SH2D1A: variants seen among roughly 807,000 people sequenced by gnomAD.
SH2D1A encodes the protein SH2 domain containing 1A.
SH2D1A carries 6 observed loss-of-function variants against 10.1 expected under a neutral mutation model. The observed-to-expected ratio is 0.60, with a 90% CI of 0.33 to 1.18. The LOEUF (loss-of-function observed/expected upper bound fraction) is 1.18. SH2D1A is among the 50% of genes most tolerant of loss of function. The pLI is 0.04. For missense variants in SH2D1A, 51 were observed against 97.6 expected, an observed-to-expected ratio of 0.52 and a Z score of 2.01; for synonymous variants, 42 against 36.9, an observed-to-expected ratio of 1.14 and a Z score of -0.51.
At chrX:124,370,094 T>C (rs1361379680) in intron 2 of SH2D1A, 82 bp from the exon 3 acceptor site, 1 of 700,685 alleles carries the variant, frequency 1.4e-6, no homozygotes, top group African/African-American at 2.1e-5. Flanking sequence ...GTTACTTCTC[T>C]TAGCATCCCT....
rs1360809344 is a variant in SH2D1A at position 124,371,880 on chromosome X, T to C, written c.*489T>C. The C allele has an allele frequency of 6.3e-6, 1 of 158,018 alleles. No homozygotes were observed. Among genetic ancestry groups the C allele is most frequent in the Non-Finnish European group, 1.2e-5 (1 of 81,581 alleles). The allele number at this position is 158,018 out of a possible 1,213,427, so 13.0% of individuals were successfully genotyped here. A position where few individuals can be genotyped will look rare whatever the true frequency, so the allele number is the denominator to read the frequency against. ...TTTTGGGATTTTTGAAGCTGTATAC[T>C]GTGTGCTAAAACAAGCACTAAACAA... On this transcript the variant is annotated 3_prime_UTR_variant, in exon 4 of 4. Transcript: ENST00000371139.
chrX:124,350,462 CT>C (rs2060008610), intron 1 of SH2D1A, among the ~76,000 whole-genome samples: 1 of 31,027 alleles, frequency 3.2e-5, no homozygotes, highest in African/African-American at 1.3e-4. Flanking sequence ...ATATTATATA[CT>C]ATATATAATA....
In SH2D1A at chrX:124,372,583, A is replaced by G. The variant is rs1355524556; in HGVS notation, c.*1192A>G. ...AATGAAAGTTGATAAGTACATGATA[A>G]GCGAGGTTCCCCGTGTGTAGGTAGA... On this transcript the variant is annotated 3_prime_UTR_variant, in exon 4 of 4. Coordinates refer to ENST00000371139, the MANE Select transcript of SH2D1A (RefSeq NM_002351.5). 4.7e-5 allele frequency: 8 copies of G among 170,038 alleles called. No individual in the cohort carries two copies. Among genetic ancestry groups the G allele is most frequent in the Admixed American group, 4.0e-4 (5 of 12,553 alleles). The allele number at this position is 170,038 out of a possible 1,213,427, so 14.0% of individuals were successfully genotyped here. A position where few individuals can be genotyped will look rare whatever the true frequency, so the allele number is the denominator to read the frequency against.
At chrX:124,359,254 A>G (rs1460722980) in intron 1 of SH2D1A, among the ~76,000 whole-genome samples, 1 of 111,985 alleles carries the variant, frequency 8.9e-6, no homozygotes, top group Non-Finnish European at 1.9e-5. Context: ...TTAGGAAACA[A>G]TTCTCAAAAC....
chrX:124,348,010 T>C (rs1286026345), intron 1 of SH2D1A, among the ~76,000 whole-genome samples: 1 of 111,637 alleles, frequency 9.0e-6, no homozygotes, highest in Non-Finnish European at 1.9e-5. Flanking sequence ...AAATACCTTA[T>C]GGGTCAGTGA....
chrX:124,349,001 A>G (rs2060000755), intron 1 of SH2D1A, among the ~76,000 whole-genome samples: 2 of 112,578 alleles, frequency 1.8e-5, no homozygotes, highest in African/African-American at 6.5e-5. Flanking sequence ...AGAGAAGGGC[A>G]GCTTTAGACT....
At chrX:124,364,126 G>T (rs2147530066) in intron 1 of SH2D1A, among the ~76,000 whole-genome samples, 1 of 109,969 alleles carries the variant, frequency 9.1e-6, no homozygotes, top group South Asian at 4.0e-4. Context: ...TATTCCAGAA[G>T]GCATTCTGGA....
At chrX:124,363,649 T>C (rs2060045630) in intron 1 of SH2D1A, among the ~76,000 whole-genome samples, 1 of 110,229 alleles carries the variant, frequency 9.1e-6, no homozygotes, top group Admixed American at 9.7e-5. Context: ...ATCCCAGCAC[T>C]GTGGGAGGCT....
chrX:124,351,662 T>G (rs2060015422), intron 1 of SH2D1A, among the ~76,000 whole-genome samples: 2 of 110,904 alleles, frequency 1.8e-5, no homozygotes, highest in African/African-American at 6.5e-5. Flanking sequence ...TTTTCCACAT[T>G]TTATATTCCT....
At chrX:124,370,048 CT>C (rs2060065633) in intron 2 of SH2D1A, 127 bp from the exon 3 acceptor site, 1 of 583,097 alleles carries the variant, frequency 1.7e-6, no homozygotes, top group African/African-American at 2.3e-5. Flanking sequence ...TTCCTTCTTC[CT>C]TATGTTTTCA....
intron 1 of SH2D1A, among the ~76,000 whole-genome samples, chrX:124,354,037 TA>T (rs2060021150): frequency 1.8e-5 from 2 of 111,997 alleles, no homozygotes; most frequent in Admixed American, 1.9e-4. Context: ...AACTTGCATT[TA>T]GTTTTTGAAT....
At chrX:124,348,298 G>C (rs771353191) in intron 1 of SH2D1A, among the ~76,000 whole-genome samples, 1 of 111,304 alleles carries the variant, frequency 9.0e-6, no homozygotes, top group East Asian at 2.8e-4. Context: ...GAGTGAGTGG[G>C]TGGGTGAAAG....
At position 124,372,544 on chromosome X, in the gene SH2D1A, A is replaced by G. The variant is rs779699327; in HGVS notation, c.*1153A>G. On this transcript the variant is annotated 3_prime_UTR_variant, in exon 4 of 4. Coordinates refer to ENST00000371139, the MANE Select transcript of SH2D1A (RefSeq NM_002351.5). Reference sequence around the variant, plus strand: ...GTGAAAGAAAATAACAATAAAAGACAAGGAAAAAATAACAATGAAAGTTGA... The same window carrying G: ...GTGAAAGAAAATAACAATAAAAGACGAGGAAAAAATAACAATGAAAGTTGA... The G allele has an allele frequency of 2.9e-5, 5 of 171,032 alleles. 1 individual carries two copies. The highest frequency in any genetic ancestry group is 5.9e-5 in the African/African-American group (2 of 33,869). The allele number at this position is 171,032 out of a possible 1,213,427, so 14.1% of individuals were successfully genotyped here.
At position 124,356,312 on chromosome X, in the gene SH2D1A, A is replaced by T. The variant is rs762582834; in HGVS notation, c.138-9449A>T. On this transcript the variant is annotated intron_variant, in intron 1 of 3. Transcript: ENST00000371139. ...TTAATCCAGTCTATCATTGATGGAC[A>T]TTTGGGTTGGTTCCAAGTCTTTGCT... Among the ~76,000 whole-genome samples, 5 of 111,341 alleles carry T rather than the reference A, an allele frequency of 4.5e-5. No homozygotes were observed. The East Asian group carries it at 1.4e-3, about 31-fold the overall frequency.
intron 1 of SH2D1A, among the ~76,000 whole-genome samples, chrX:124,348,723 T>C (rs2060000102): frequency 8.9e-6 from 1 of 111,928 alleles, no homozygotes; most frequent in African/African-American, 3.2e-5. Context: ...TGCAAAAATA[T>C]AATCTCCATG....
At chrX:124,356,165 G>C (rs1481629248) in intron 1 of SH2D1A, among the ~76,000 whole-genome samples, 1 of 106,440 alleles carries the variant, frequency 9.4e-6, no homozygotes, top group African/African-American at 3.5e-5. Context: ...TTGGTTTTCT[G>C]TCCTTGCGAT....
intron 2 of SH2D1A, among the ~76,000 whole-genome samples, chrX:124,369,154 C>T (rs2060063352): frequency 1.8e-5 from 2 of 111,158 alleles, no homozygotes; most frequent in African/African-American, 3.3e-5. Flanking sequence ...TCTTCATGCT[C>T]GCCTTCATGT....
intron 1 of SH2D1A, among the ~76,000 whole-genome samples, chrX:124,362,464 C>A (rs2060042214): frequency 8.9e-6 from 1 of 112,168 alleles, no homozygotes; most frequent in Admixed American, 9.5e-5. Flanking sequence ...TTTATTTCTT[C>A]CAATTTCTCC....
intron 1 of SH2D1A, among the ~76,000 whole-genome samples, chrX:124,350,251 TATAATATA>T (rs1222451876): frequency 2.6e-5 from 1 of 38,646 alleles, no homozygotes; most frequent in Non-Finnish European, 4.0e-5. Context: ...TTATATAATA[TATAATATA>T]TAAATATATA....
Sources: gnomAD v4.1 joint callset for allele counts (sites outside exome capture counted in the v4.1 genomes callset) on GRCh38, gnomAD v4.1.1 for gene constraint, MANE v1.5 for transcripts, NCBI Gene and HGNC (gene_info 2026-07-23, HGNC 2026-07-21) for gene names.